Variants in DAAM1 observed in about 807,000 individuals in gnomAD.
DAAM1 encodes disheveled-associated activator of morphogenesis 1.
In DAAM1, 52 loss-of-function variants were observed where a neutral mutation model predicts 130.0. That is an observed-to-expected ratio of 0.40 (90% CI 0.32 to 0.50). The LOEUF (loss-of-function observed/expected upper bound fraction) is 0.50, where lower values mean the gene tolerates loss of function less well. Among genes scored for constraint, DAAM1 ranks in the 20% least tolerant of loss-of-function variants. DAAM1 has a pLI of 0.61. For missense variants in DAAM1, 1,134 were observed against 1,303.8 expected (o/e 0.87, Z 2.01); for synonymous variants, 452 against 444.5 (o/e 1.02, Z -0.21).
intron 1 of DAAM1, among the ~76,000 whole-genome samples, chr14:59,216,871 T>C (rs576607426): frequency 4.6e-5 from 7 of 152,162 alleles, no homozygotes; most frequent in Admixed American, 1.3e-4. Context: ...CAATTGGAAC[T>C]ATAAAGAATT....
Position 59,358,640 on chromosome 14 carries a change from G to A in DAAM1, c.2526-757G>A, listed in dbSNP as rs548378370. Reference sequence around the variant, plus strand: ...GGTGGATCACCTGAGGTCAGGAGTTGGGGACCATCCTGACCAACATGGTGA... The same window carrying A: ...GGTGGATCACCTGAGGTCAGGAGTTAGGGACCATCCTGACCAACATGGTGA... On this transcript the variant is annotated intron_variant, in intron 20 of 24. Transcript: ENST00000360909. Among the ~76,000 whole-genome samples, 9 of 152,076 alleles carry A rather than the reference G, an allele frequency of 5.9e-5. No individual in the cohort carries two copies. The South Asian group carries it at 1.7e-3, about 28-fold the overall frequency.
At chr14:59,318,581 T>G (rs1456025049) in intron 4 of DAAM1, among the ~76,000 whole-genome samples, 1 of 151,832 alleles carries the variant, frequency 6.6e-6, no homozygotes, top group Non-Finnish European at 1.5e-5. Flanking sequence ...AATGTGAGGC[T>G]TGAAAGCTTT....
At chr14:59,292,047 G>C (rs1883760029) in intron 3 of DAAM1, among the ~76,000 whole-genome samples, 1 of 152,256 alleles carries the variant, frequency 6.6e-6, no homozygotes, top group Admixed American at 6.5e-5. Flanking sequence ...TCCTGAAACA[G>C]AGTGCACTCT....
At chr14:59,361,692 A>G (rs761335605) in intron 22 of DAAM1, among the ~76,000 whole-genome samples, 2 of 152,224 alleles carry the variant, frequency 1.3e-5, no homozygotes, top group African/African-American at 4.8e-5. Flanking sequence ...TACTCTGCAG[A>G]TGCAGCTGCC....
intron 1 of DAAM1, among the ~76,000 whole-genome samples, chr14:59,250,070 A>G (rs1331552461): frequency 6.6e-6 from 1 of 152,210 alleles, no homozygotes; most frequent in African/African-American, 2.4e-5. Context: ...CCACAATAGA[A>G]CTATAATTGA....
At chr14:59,195,742 C>T (rs866606256) in intron 1 of DAAM1, among the ~76,000 whole-genome samples, 2 of 152,090 alleles carry the variant, frequency 1.3e-5, no homozygotes, top group African/African-American at 4.8e-5. Flanking sequence ...CTTTTATTTT[C>T]TGAGATAGGT....
At chr14:59,281,831 A>G (rs1243042173) in intron 2 of DAAM1, among the ~76,000 whole-genome samples, 1 of 152,146 alleles carries the variant, frequency 6.6e-6, no homozygotes, top group African/African-American at 2.4e-5. Flanking sequence ...TGATTCAGCC[A>G]TATTATGAAA....
chr14:59,237,299 C>T (rs747021013), intron 1 of DAAM1, among the ~76,000 whole-genome samples: 2 of 152,134 alleles, frequency 1.3e-5, no homozygotes, highest in Non-Finnish European at 2.9e-5. Context: ...AAAAGAGAGA[C>T]ATCCCGCCAG....
intron 3 of DAAM1, among the ~76,000 whole-genome samples, chr14:59,295,070 C>T (rs571568939): frequency 3.9e-4 from 60 of 152,226 alleles, no homozygotes; most frequent in African/African-American, 1.4e-3. Flanking sequence ...CAGAGTTTGC[C>T]AAGTAAGTAA....
At chr14:59,327,365 C>T (rs1315213952) in intron 12 of DAAM1, among the ~76,000 whole-genome samples, 2 of 144,402 alleles carry the variant, frequency 1.4e-5, no homozygotes, top group Non-Finnish European at 3.0e-5. Context: ...GAGGAATTAT[C>T]CAAAATTTTA....
chr14:59,237,631 A>G (rs1275101768), intron 1 of DAAM1, among the ~76,000 whole-genome samples: 3 of 152,154 alleles, frequency 2.0e-5, no homozygotes, highest in African/African-American at 2.4e-5. Context: ...AATTTATAAA[A>G]TATTTTGTGC....
chr14:59,199,599 TC>T (rs1306783893), intron 1 of DAAM1, among the ~76,000 whole-genome samples: 2 of 152,248 alleles, frequency 1.3e-5, no homozygotes, highest in Non-Finnish European at 2.9e-5. Context: ...GATATTTATC[TC>T]CTTGGCCCTT....
intron 1 of DAAM1, among the ~76,000 whole-genome samples, chr14:59,194,889 C>T (rs557062108): frequency 6.6e-6 from 1 of 152,198 alleles, no homozygotes; most frequent in Non-Finnish European, 1.5e-5. Context: ...GGTGCGATTT[C>T]GTGACTTACA....
At chr14:59,219,831 T>G (rs1566654505) in intron 1 of DAAM1, among the ~76,000 whole-genome samples, 2 of 152,212 alleles carry the variant, frequency 1.3e-5, no homozygotes, top group Non-Finnish European at 2.9e-5. Flanking sequence ...AATATCCCTT[T>G]GGTGTCTGCT....
chr14:59,205,062 T>A (rs1236386219), intron 1 of DAAM1, among the ~76,000 whole-genome samples: 1 of 152,248 alleles, frequency 6.6e-6, no homozygotes. Flanking sequence ...TTCCTACTCA[T>A]ATACATAGAG....
chr14:59,337,423 A>G (rs2078559362), intron 15 of DAAM1, among the ~76,000 whole-genome samples: 1 of 152,214 alleles, frequency 6.6e-6, no homozygotes, highest in South Asian at 2.1e-4. Context: ...GAAACAGCTC[A>G]TCTGTGTAAA....
intron 1 of DAAM1, among the ~76,000 whole-genome samples, chr14:59,255,079 A>G (rs1402012440): frequency 2.6e-5 from 4 of 152,136 alleles, no homozygotes; most frequent in African/African-American, 7.2e-5. Flanking sequence ...CAGGATGCTA[A>G]TGGCTTTTTT....
At chr14:59,248,531 C>T (rs1003924609) in intron 1 of DAAM1, among the ~76,000 whole-genome samples, 1 of 152,176 alleles carries the variant, frequency 6.6e-6, no homozygotes, top group Non-Finnish European at 1.5e-5. Context: ...AGAAAACACA[C>T]TCTTTCTTGC....
chr14:59,304,075 C>G (rs1205404485), intron 3 of DAAM1, among the ~76,000 whole-genome samples: 2 of 152,170 alleles, frequency 1.3e-5, no homozygotes. Context: ...CTTTGAGCTT[C>G]TCTCTGGTTC....
Sources: gnomAD v4.1 joint callset for allele counts (sites outside exome capture counted in the v4.1 genomes callset) on GRCh38, gnomAD v4.1.1 for gene constraint, MANE v1.5 for transcripts, NCBI Gene and HGNC (gene_info 2026-07-23, HGNC 2026-07-21) for gene names.